Variants in POLK observed in about 807,000 individuals in gnomAD.
The protein encoded by POLK is polymerase (DNA directed) kappa.
POLK carries 76 observed loss-of-function variants against 94.0 expected under a neutral mutation model. That is an observed-to-expected ratio of 0.81 (90% CI 0.67 to 0.98). The LOEUF (loss-of-function observed/expected upper bound fraction) is 0.98. Ranked by LOEUF, POLK falls within the 50% of genes least tolerant of loss-of-function variation. The pLI is 0.00. For missense variants in POLK, 954 were observed against 1,010.1 expected, an observed-to-expected ratio of 0.94 and a Z score of 0.75; for synonymous variants, 349 against 325.4, an observed-to-expected ratio of 1.07 and a Z score of -0.78.
At chr5:75,576,072 T>C (rs149808524) in intron 5 of POLK, among the ~76,000 whole-genome samples, 83 of 152,252 alleles carry the variant, frequency 5.5e-4, no homozygotes, top group African/African-American at 1.8e-3. Context: ...TAAAAGGCAT[T>C]TCTGAATTAA....
chr5:75,511,712 T>C, upstream of POLK: 1 of 1,543,500 alleles, frequency 6.5e-7, no homozygotes, highest in Non-Finnish European at 8.8e-7. Context: ...CCTCCCGGCG[T>C]CTGACGCGAC....
At position 75,531,665 on chromosome 5, in the gene POLK, C is replaced by T. The variant is rs553029339; in HGVS notation, c.-13-15345C>T. On this transcript the variant is annotated intron_variant, in intron 1 of 14. Coordinates refer to ENST00000241436, the Ensembl canonical transcript of POLK. ...AAAATTAGCCAGGCGTGGTGGTGGG[C>T]ACCTGTAATCCCAGCTACTTGGGAG... Among the ~76,000 whole-genome samples, 17 of 152,032 alleles carry T rather than the reference C, an allele frequency of 1.1e-4. No homozygotes were observed. In the South Asian group the frequency reaches 3.3e-3, roughly 30 times the overall value.
chr5:75,549,802 A>T (rs960801574), intron 2 of POLK, among the ~76,000 whole-genome samples: 1 of 152,098 alleles, frequency 6.6e-6, no homozygotes, highest in Non-Finnish European at 1.5e-5. Flanking sequence ...ACAATTACCA[A>T]CATTTTTGCA....
In POLK at chr5:75,587,072, A is replaced by C. The variant is rs190383451; in HGVS notation, c.1259+14A>C. ...GAGCGTTGAGAGGTAATGTTTTATT[A>C]TTTATTGTTAATTGTGCATAATTCA... On this transcript the variant is annotated intron_variant, in intron 10 of 14. Transcript: ENST00000241436. 1.6e-5 allele frequency: 22 copies of C among 1,387,110 alleles called. No homozygotes were observed. The East Asian group carries it at 5.1e-4, about 32-fold the overall frequency. 85.9% of individuals were successfully genotyped at this position (1,387,110 alleles called of 1,614,324 possible). A position where few individuals can be genotyped will look rare whatever the true frequency, so the allele number is the denominator to read the frequency against.
At chr5:75,578,195 G>A (rs1772005879) in intron 6 of POLK, among the ~76,000 whole-genome samples, 1 of 152,046 alleles carries the variant, frequency 6.6e-6, no homozygotes, top group Non-Finnish European at 1.5e-5. Flanking sequence ...TCACTGTGTT[G>A]CCCAGGCTGG....
intron 3 of POLK, among the ~76,000 whole-genome samples, chr5:75,566,205 C>T (rs563336148): frequency 5.3e-5 from 8 of 152,294 alleles, no homozygotes; most frequent in Non-Finnish European, 7.3e-5. Flanking sequence ...TAATGGATGA[C>T]GCACCTCCCT....
intron 1 of POLK, among the ~76,000 whole-genome samples, chr5:75,546,397 G>C (rs5744588): frequency 0.016 from 2,360 of 152,168 alleles, 65 homozygotes; most frequent in African/African-American, 0.053. Context: ...TGTCTTGAGG[G>C]TGGCAGAAAC....
chr5:75,597,319 A>G (rs1773145664), intron 13 of POLK, 141 bp downstream of exon 13: 3 of 608,008 alleles, frequency 4.9e-6, no homozygotes, highest in East Asian at 5.5e-5. Flanking sequence ...TGTTGGTTAC[A>G]TTGCCATAGG....
intron 3 of POLK, among the ~76,000 whole-genome samples, chr5:75,564,231 CTTCTTTCT>C (rs368246035): frequency 1.4e-5 from 2 of 148,040 alleles, no homozygotes; most frequent in South Asian, 2.2e-4. Context: ...GCTTTTTTTT[CTTCTTTCT>C]TTCTTTCTTT....
intron 4 of POLK, among the ~76,000 whole-genome samples, chr5:75,571,789 C>T (rs1362329779): frequency 6.6e-6 from 1 of 152,170 alleles, no homozygotes; most frequent in Non-Finnish European, 1.5e-5. Flanking sequence ...ATAAGAGTAA[C>T]TTGTAAAGTA....
downstream of POLK, among the ~76,000 whole-genome samples, chr5:75,602,064 G>A (rs757240708): frequency 6.6e-6 from 1 of 152,110 alleles, no homozygotes; most frequent in Non-Finnish European, 1.5e-5. Flanking sequence ...AAGCTTCCTG[G>A]TGCCTCTTCC....
intron 3 of POLK, among the ~76,000 whole-genome samples, chr5:75,553,706 A>G (rs900588925): frequency 6.6e-6 from 1 of 152,190 alleles, no homozygotes; most frequent in Non-Finnish European, 1.5e-5. Context: ...TTGACCAAAG[A>G]TGGTATCATT....
At chr5:75,605,701 T>A (rs1273199740), downstream of POLK, among the ~76,000 whole-genome samples, 1 of 152,178 alleles carries the variant, frequency 6.6e-6, no homozygotes, top group Non-Finnish European at 1.5e-5. Context: ...CAATTCTTTA[T>A]AAACCACTAA....
At chr5:75,577,861 CTCTT>C (rs895646363) in intron 6 of POLK, among the ~76,000 whole-genome samples, 8 of 152,284 alleles carry the variant, frequency 5.3e-5, no homozygotes, top group East Asian at 1.9e-4. Flanking sequence ...GGATAGCTCT[CTCTT>C]TTTTTTTATA....
chr5:75,567,879 G>T (rs901581033), intron 3 of POLK, among the ~76,000 whole-genome samples: 10 of 152,184 alleles, frequency 6.6e-5, no homozygotes, highest in Non-Finnish European at 7.3e-5. Context: ...CCTAAACAAG[G>T]GGAAGCCTCC....
downstream of POLK, among the ~76,000 whole-genome samples, chr5:75,603,543 C>A (rs1408660691): frequency 6.6e-6 from 1 of 151,974 alleles, no homozygotes; most frequent in Non-Finnish European, 1.5e-5. Flanking sequence ...GGTGTAAATG[C>A]TCCCACCATG....
chr5:75,607,511 T>G, the POLK span, among the ~76,000 whole-genome samples: 1 of 151,722 alleles, frequency 6.6e-6, no homozygotes. Context: ...TGGTTGCTTC[T>G]GGGAACCTTC....
intron 3 of POLK, among the ~76,000 whole-genome samples, chr5:75,556,421 C>G (rs1354075928): frequency 6.6e-6 from 1 of 152,190 alleles, no homozygotes; most frequent in Admixed American, 6.5e-5. Flanking sequence ...AGACCTGTAT[C>G]AGATATGTCT....
At chr5:75,579,364 T>A (rs961386097) in intron 6 of POLK, among the ~76,000 whole-genome samples, 7 of 151,656 alleles carry the variant, frequency 4.6e-5, no homozygotes, top group Non-Finnish European at 7.4e-5. Context: ...TCTTTATTTT[T>A]TTTTTATTTT....
Sources: gnomAD v4.1 joint callset for allele counts (sites outside exome capture counted in the v4.1 genomes callset) on GRCh38, gnomAD v4.1.1 for gene constraint, MANE v1.5 for transcripts, NCBI Gene and HGNC (gene_info 2026-07-23, HGNC 2026-07-21) for gene names.